Variants in USP28 observed in about 807,000 individuals in gnomAD.
The protein encoded by USP28 is ubiquitin specific peptidase 28, also known as ubiquitin carboxyl-terminal hydrolase 28.
In USP28, 113 loss-of-function variants were observed where a neutral mutation model predicts 145.0. That is an observed-to-expected ratio of 0.78 (90% CI 0.67 to 0.91). The LOEUF is 0.91. USP28 is among the 40% of genes least tolerant of loss of function. The pLI, the probability that USP28 is intolerant of heterozygous loss-of-function variation, is 0.00. For synonymous variants in USP28, 447 were observed against 450.9 expected (o/e 0.99, Z 0.11); for missense variants, 1,201 against 1,289.6 (o/e 0.93, Z 1.05).
chr11:113,813,253 T>G (rs900704588), intron 15 of USP28, among the ~76,000 whole-genome samples: 4 of 152,186 alleles, frequency 2.6e-5, no homozygotes, highest in African/African-American at 9.7e-5. Flanking sequence ...AATGGGACTG[T>G]GCCTCAATGC....
chr11:113,809,368 C>G, intron 16 of USP28, 114 bp from the exon 17 acceptor site: 2 of 994,794 alleles, frequency 2.0e-6, no homozygotes. Context: ...AAAATACATG[C>G]ACATAGAATC....
intron 10 of USP28, among the ~76,000 whole-genome samples, chr11:113,828,592 T>C (rs1326561087): frequency 6.6e-6 from 1 of 152,224 alleles, no homozygotes; most frequent in Non-Finnish European, 1.5e-5. Context: ...GTATGATCAA[T>C]GGAGAACAAT....
chr11:113,826,217 A>G (rs1943274863), intron 11 of USP28, among the ~76,000 whole-genome samples: 2 of 138,922 alleles, frequency 1.4e-5, no homozygotes, highest in Non-Finnish European at 3.0e-5. Flanking sequence ...CGGGAAGCAG[A>G]GGTTGCAGTG....
chr11:113,839,952 G>A (rs1023552636), intron 5 of USP28, among the ~76,000 whole-genome samples: 12 of 152,136 alleles, frequency 7.9e-5, no homozygotes, highest in African/African-American at 2.9e-4. Flanking sequence ...GGAGGCGGAG[G>A]TTGCAGTGAG....
At chr11:113,854,857 A>G (rs962495138) in intron 1 of USP28, among the ~76,000 whole-genome samples, 2 of 152,244 alleles carry the variant, frequency 1.3e-5, no homozygotes, top group Non-Finnish European at 2.9e-5. Context: ...GTAAAATTAC[A>G]AATATATAAA....
At chr11:113,859,560 A>G (rs1336018209) in intron 1 of USP28, 2 of 152,018 alleles carry the variant, frequency 1.3e-5, no homozygotes, top group Non-Finnish European at 2.9e-5. Flanking sequence ...AGATTTAGCT[A>G]AAGTTCTTAA....
intron 18 of USP28, 74 bp downstream of exon 19, chr11:113,807,877 A>T: frequency 2.1e-6 from 2 of 937,116 alleles, no homozygotes; most frequent in Non-Finnish European, 2.6e-6. Context: ...ATTGGCAGAT[A>T]CCTTAATATA....
At chr11:113,807,235 G>A (rs1940148846) in intron 18 of USP28, among the ~76,000 whole-genome samples, 1 of 152,070 alleles carries the variant, frequency 6.6e-6, no homozygotes, top group Non-Finnish European at 1.5e-5. Flanking sequence ...ACCATGCCCA[G>A]CTAATTTTTG....
chr11:113,845,598 G>C (rs1945743697), intron 3 of USP28, among the ~76,000 whole-genome samples: 1 of 152,018 alleles, frequency 6.6e-6, no homozygotes, highest in African/African-American at 2.4e-5. Context: ...TTTTTTGAGA[G>C]AGTCTCACTC....
intron 1 of USP28, among the ~76,000 whole-genome samples, chr11:113,861,471 T>G (rs1947688835): frequency 6.6e-6 from 1 of 152,226 alleles, no homozygotes; most frequent in African/African-American, 2.4e-5. Flanking sequence ...TAAAAGTGTT[T>G]AAAATTTAGC....
rs774724784 is a variant in USP28, at chr11:113,829,361, G to C, written c.911-16C>G. 9.3e-6 allele frequency: 15 copies of C among 1,610,826 alleles called. 1 individual carries two copies. The Middle Eastern group carries it at 1.8e-3, about 195-fold the overall frequency. ...AAGGGTTTTCCTAGGCAAAGAGAGA[G>C]ACTTTTTAAAAAAGACATCACTATG... On this transcript the variant is annotated splice_polypyrimidine_tract_variant and intron_variant, in intron 9 of 24. Coordinates refer to ENST00000003302, the Ensembl canonical transcript of USP28.
chr11:113,854,626 T>C (rs962897789), intron 1 of USP28, among the ~76,000 whole-genome samples: 2 of 152,206 alleles, frequency 1.3e-5, no homozygotes, highest in Admixed American at 1.3e-4. Context: ...GGTCTTGATC[T>C]GCTGACCTCG....
At position 113,815,518 on chromosome 11, in the gene USP28, G is replaced by A. The variant is rs1339286063; in HGVS notation, c.1464-136C>T. ...AGCATTAACTCTATAAAGGTACAGA[G>A]CCAACCTTTTTCTCTATCATCTCAC... On this transcript the variant is annotated intron_variant, in intron 13 of 24. Coordinates refer to ENST00000003302, the Ensembl canonical transcript of USP28. The A allele has an allele frequency of 6.5e-6, 5 of 768,738 alleles. No individual in the cohort carries two copies. The Admixed American group carries it at 1.5e-4, about 22-fold the overall frequency. 47.6% of individuals were successfully genotyped at this position (768,738 alleles called of 1,614,324 possible). A position where few individuals can be genotyped will look rare whatever the true frequency, so the allele number is the denominator to read the frequency against.
At chr11:113,873,657 T>A (rs1949042760) in intron 1 of USP28, among the ~76,000 whole-genome samples, 1 of 152,192 alleles carries the variant, frequency 6.6e-6, no homozygotes, top group African/African-American at 2.4e-5. Context: ...GTCTCCAAAC[T>A]AAAATTTTCC....
rs147814422 is a variant in USP28 at position 113,833,484 on chromosome 11, A to G, written c.695T>C (p.Phe232Ser). The change falls in exon 7 of 25, where the codon TTT becomes TCT. Residue 232 changes from phenylalanine to serine, a missense_variant. Phe to Ser is a radical substitution (Grantham distance 155). Transcript: ENST00000003302. ...ATCCAGGGCTGCAGACGGGTCTACA[A>G]ATTTTCTATTTGATCCCATCATTAG... 326 of 1,614,070 alleles carry G rather than the reference A, an allele frequency of 2.0e-4. No homozygotes were observed. Among genetic ancestry groups the G allele is most frequent in the Non-Finnish European group, 2.7e-4 (314 of 1,180,034 alleles).
intron 1 of USP28, among the ~76,000 whole-genome samples, chr11:113,870,786 T>C (rs1948733912): frequency 6.6e-6 from 1 of 152,234 alleles, no homozygotes. Flanking sequence ...TGCTCAAGTC[T>C]GTCTTTTCCA....
intron 1 of USP28, among the ~76,000 whole-genome samples, chr11:113,855,338 T>G (rs530564560): frequency 1.3e-5 from 2 of 151,444 alleles, no homozygotes; most frequent in African/African-American, 4.8e-5. Context: ...GATTTGCAAG[T>G]ACAGCTCAAT....
At chr11:113,840,624 T>G in exon 5 of USP28, 1 of 1,614,156 alleles carries the variant, frequency 6.2e-7, no homozygotes, top group South Asian at 1.1e-5. Context: ...AACCAACATG[T>G]ATTGCCAACA....
Position 113,865,281 on chromosome 11 carries a change from T to C in USP28, c.57+10164A>G, listed in dbSNP as rs561279040. 1.8e-4 allele frequency among the ~76,000 whole-genome samples: 27 copies of C among 152,328 alleles called. 1 individual carries two copies. Among genetic ancestry groups the C allele is most frequent in the Non-Finnish European group, 3.2e-4 (22 of 68,040 alleles). ...GAACTCTAGTGAAAACCAGAAAACCTGCTAGACAAATTCTAAAAGAGCTGC... is the reference window on the plus strand; with the variant it reads ...GAACTCTAGTGAAAACCAGAAAACCCGCTAGACAAATTCTAAAAGAGCTGC... On this transcript the variant is annotated intron_variant, in intron 1 of 24. Transcript: ENST00000003302.
Sources: gnomAD v4.1 joint callset for allele counts (sites outside exome capture counted in the v4.1 genomes callset) on GRCh38, gnomAD v4.1.1 for gene constraint, MANE v1.5 for transcripts, NCBI Gene and HGNC (gene_info 2026-07-23, HGNC 2026-07-21) for gene names.